DYSF: variants seen among roughly 807,000 people sequenced by gnomAD.
DYSF encodes the protein dystrophy-associated fer-1-like 1.
DYSF carries 212 observed loss-of-function variants against 274.9 expected under a neutral mutation model. The observed-to-expected ratio is 0.77, with a 90% confidence interval of 0.69 to 0.86. DYSF has a LOEUF of 0.86. Ranked by LOEUF, DYSF falls within the 40% of genes least tolerant of loss-of-function variation. The pLI, the probability that DYSF is intolerant of heterozygous loss-of-function variation, is 0.00. For missense variants in DYSF, 2,666 were observed against 2,783.2 expected, an observed-to-expected ratio of 0.96 and a Z score of 0.95; for synonymous variants, 1,091 against 1,078.7, an observed-to-expected ratio of 1.01 and a Z score of -0.22.
chr2:71,453,914 G>A (rs944818872), exon 1 of DYSF: 3 of 1,351,858 alleles, frequency 2.2e-6, no homozygotes, highest in Non-Finnish European at 3.1e-6. Flanking sequence ...TCCAGCGAGG[G>A]GACCCACAAG....
In DYSF at chr2:71,682,665, C is replaced by G; in HGVS notation, c.6309C>G (p.Ile2103Met). ...TGCTGCTGTTCCTGGCCATCTTCAT[C>G]TACGCCTTCCCGGTGAGCAGGCCTG... is the stretch of plus-strand genomic sequence containing the variant. The part of the protein sequence containing the change: ...FILLLFLAIF[I>M]YAFPNYAAMK... Residue 2103 changes from isoleucine (I) to methionine (M), a missense_variant, in exon 55 of 56, where the codon ATC (isoleucine) becomes ATG (methionine). This residue lies in a region of DYSF where 1,460 missense variants were observed against 1,502.1 expected (regional missense o/e 0.97). Transcript: ENST00000410020. 1 of 1,614,074 alleles carries G rather than the reference C, an allele frequency of 6.2e-7. No individual in the cohort carries two copies. Among genetic ancestry groups the G allele is most frequent in the Admixed American group, 1.7e-5 (1 of 60,016 alleles).
intron 52 of DYSF, among the ~76,000 whole-genome samples, chr2:71,676,876 C>T (rs1231372358): frequency 6.6e-6 from 1 of 151,690 alleles, no homozygotes; most frequent in Non-Finnish European, 1.5e-5. Context: ...ATCCAGATAG[C>T]CTGTGTTTCC....
chr2:71,469,970 G>A (rs752215676), intron 1 of DYSF, among the ~76,000 whole-genome samples: 39 of 152,038 alleles, frequency 2.6e-4, no homozygotes, highest in Non-Finnish European at 3.8e-4. Context: ...TACCTACTAC[G>A]TGCCTGGTGC....
intron 13 of DYSF, 54 bp from the exon 14 acceptor site, chr2:71,528,244 G>C: frequency 6.7e-7 from 1 of 1,503,574 alleles, no homozygotes; most frequent in Non-Finnish European, 9.2e-7. Context: ...GGACAGTCAG[G>C]GTTTTAGAGG....
In DYSF at chr2:71,515,754, G is replaced by A; in HGVS notation, c.888+3G>A. Reference sequence around the variant, plus strand: ...GAAACAGCCCACTCTTCAATGAGGTGGGAGACATGGGGCATGAGGGCCAGA... The same window carrying A: ...GAAACAGCCCACTCTTCAATGAGGTAGGAGACATGGGGCATGAGGGCCAGA... On this transcript the variant is annotated splice_donor_region_variant and intron_variant, in intron 8 of 55. Transcript: ENST00000410020. 1 of 1,614,094 alleles carries A rather than the reference G, an allele frequency of 6.2e-7. No homozygotes were observed. Among genetic ancestry groups the A allele is most frequent in the Non-Finnish European group, 8.5e-7 (1 of 1,180,008 alleles).
At chr2:71,678,550 T>C (rs1336543536) in intron 52 of DYSF, among the ~76,000 whole-genome samples, 3 of 152,136 alleles carry the variant, frequency 2.0e-5, no homozygotes, top group East Asian at 1.9e-4. Context: ...TGGGGAGTTA[T>C]TGCTTAATGG....
In DYSF at chr2:71,624,511, C is replaced by T. The variant is rs142131876; in HGVS notation, c.4527+3902C>T. On this transcript the variant is annotated intron_variant, in intron 41 of 55. Transcript: ENST00000410020. ...CTGTGCTCTTAAACAGGCTCTGTGG[C>T]ATGATAATTATTGTTGCTGAAAGGC... Among the ~76,000 whole-genome samples, 451 of 152,264 alleles carry T rather than the reference C, an allele frequency of 3.0e-3. 2 individuals are homozygous for T. Among genetic ancestry groups the T allele is most frequent in the African/African-American group, 0.011 (437 of 41,528 alleles).
chr2:71,489,422 G>C (rs1405439086), intron 3 of DYSF, among the ~76,000 whole-genome samples: 2 of 152,232 alleles, frequency 1.3e-5, no homozygotes, highest in African/African-American at 4.8e-5. Context: ...TTAATGGTAG[G>C]TGTCCAGCCA....
intron 29 of DYSF, among the ~76,000 whole-genome samples, chr2:71,572,927 G>A (rs1306325953): frequency 6.6e-6 from 1 of 152,196 alleles, no homozygotes; most frequent in Non-Finnish European, 1.5e-5. Context: ...GAGCACAGAT[G>A]CCATGGGATA....
At chr2:71,650,760 A>G (rs980136871) in intron 42 of DYSF, among the ~76,000 whole-genome samples, 2 of 152,160 alleles carry the variant, frequency 1.3e-5, no homozygotes, top group Admixed American at 6.5e-5. Flanking sequence ...AAATTAAAAA[A>G]CCCTCTATTT....
chr2:71,565,529 C>T (rs2092041542), intron 24 of DYSF, among the ~76,000 whole-genome samples: 1 of 152,190 alleles, frequency 6.6e-6, no homozygotes, highest in Non-Finnish European at 1.5e-5. Flanking sequence ...CTACATCTCT[C>T]CTCCCTCCTC....
chr2:71,537,468 A>T (rs1221335620), intron 16 of DYSF, among the ~76,000 whole-genome samples: 2 of 150,042 alleles, frequency 1.3e-5, no homozygotes, highest in Non-Finnish European at 3.0e-5. Flanking sequence ...CTGGTCTTGA[A>T]CTCCTGATCT....
At chr2:71,543,270 A>G (rs58553399) in intron 17 of DYSF, among the ~76,000 whole-genome samples, 3 of 136,026 alleles carry the variant, frequency 2.2e-5, no homozygotes, top group Non-Finnish European at 4.8e-5. Context: ...ACGGGGCGGC[A>G]GGGCAGAGGC....
rs1165306126 is a variant in DYSF at position 71,661,538 on chromosome 2, A to G, written c.5003+887A>G. Among the ~76,000 whole-genome samples, 5 of 152,338 alleles carry G rather than the reference A, an allele frequency of 3.3e-5. No homozygotes were observed. The East Asian group carries it at 9.6e-4, about 29-fold the overall frequency. ...TGTGTTTGTAGCAAGAGCTAGAGGAAGAATGTAGACCCAAGATAGTAAAAT... is the reference window on the plus strand; with the variant it reads ...TGTGTTTGTAGCAAGAGCTAGAGGAGGAATGTAGACCCAAGATAGTAAAAT... On this transcript the variant is annotated intron_variant, in intron 45 of 55. Coordinates refer to ENST00000410020, the MANE Select transcript of DYSF (RefSeq NM_001130987.2).
At chr2:71,545,596 G>A (rs1363919870) in intron 17 of DYSF, among the ~76,000 whole-genome samples, 1 of 152,152 alleles carries the variant, frequency 6.6e-6, no homozygotes, top group Admixed American at 6.5e-5. Flanking sequence ...CAGTACTCTT[G>A]GTATGGAAGG....
intron 3 of DYSF, among the ~76,000 whole-genome samples, chr2:71,482,361 G>A (rs1317920745): frequency 6.6e-6 from 1 of 152,244 alleles, no homozygotes; most frequent in Non-Finnish European, 1.5e-5. Context: ...AGGCAGGCAG[G>A]CAGGCAAAGT....
At chr2:71,469,102 A>G (rs1051107600) in intron 1 of DYSF, among the ~76,000 whole-genome samples, 3 of 152,220 alleles carry the variant, frequency 2.0e-5, no homozygotes, top group African/African-American at 7.2e-5. Flanking sequence ...TCAGCACTTA[A>G]CAAATACCCG....
chr2:71,556,105 C>G, intron 22 of DYSF, 34 bp downstream of exon 22: 2 of 1,522,402 alleles, frequency 1.3e-6, no homozygotes, highest in Non-Finnish European at 1.8e-6. Context: ...GTGCCCACCT[C>G]TCCTGGCTCA....
chr2:71,513,649 G>A (rs945562935), intron 6 of DYSF, 67 bp from the exon 7 acceptor site: 3 of 1,551,254 alleles, frequency 1.9e-6, no homozygotes, highest in African/African-American at 1.4e-5. Flanking sequence ...CCTGGGCTGG[G>A]TCCCAGGGGC....
Sources: allele counts gnomAD v4.1 joint callset (sites outside exome capture counted in the v4.1 genomes callset), GRCh38; gene constraint gnomAD v4.1.1; regional missense constraint gnomAD v4.1.1; transcripts MANE v1.5; gene names NCBI Gene and HGNC (gene_info 2026-07-23, HGNC 2026-07-21).